NDUFAF6: variants seen among roughly 807,000 people sequenced by gnomAD.
NDUFAF6 encodes the protein NADH:ubiquinone oxidoreductase complex assembly factor 6.
In NDUFAF6, 45 loss-of-function variants were observed where a neutral mutation model predicts 40.8. The observed-to-expected ratio is 1.10, with a 90% CI of 0.87 to 1.42. NDUFAF6 has a LOEUF of 1.42. Ranked by LOEUF, NDUFAF6 falls within the 40% of genes most tolerant of loss-of-function variation. The pLI is 0.00. For missense variants in NDUFAF6, 435 were observed against 418.5 expected, an observed-to-expected ratio of 1.04 and a Z score of -0.34; for synonymous variants, 185 against 155.9, an observed-to-expected ratio of 1.19 and a Z score of -1.39.
chr8:94,897,430 A>C (rs1586573768), intron 1 of NDUFAF6, among the ~76,000 whole-genome samples: 1 of 152,296 alleles, frequency 6.6e-6, no homozygotes, highest in African/African-American at 2.4e-5. Flanking sequence ...AAAAAAAGAG[A>C]AAATAAAGGG....
intron 4 of NDUFAF6, among the ~76,000 whole-genome samples, chr8:95,114,103 G>A (rs917135884): frequency 3.0e-4 from 45 of 151,906 alleles, no homozygotes; most frequent in Middle Eastern, 3.4e-3. Context: ...ACATGTATAC[G>A]TATGTAACTA....
intron 9 of NDUFAF6, among the ~76,000 whole-genome samples, chr8:95,074,927 CA>C (rs1236330746): frequency 1.3e-5 from 2 of 152,202 alleles, no homozygotes; most frequent in Non-Finnish European, 2.9e-5. Flanking sequence ...TTTACAACCT[CA>C]AAAATTTCAT....
At chr8:95,048,175 C>CA (rs1337521727) in intron 6 of NDUFAF6, among the ~76,000 whole-genome samples, 1 of 152,114 alleles carries the variant, frequency 6.6e-6, no homozygotes, top group Non-Finnish European at 1.5e-5. Context: ...GCCTGGGTGA[C>CA]AGAGTAAGAC....
intron 1 of NDUFAF6, among the ~76,000 whole-genome samples, chr8:94,980,434 G>GTTTT (rs1044902981): frequency 1.5e-5 from 2 of 137,350 alleles, no homozygotes; most frequent in African/African-American, 2.8e-5. Flanking sequence ...GTCAACTGTG[G>GTTTT]TTTTTTTGTT....
intron 4 of NDUFAF6, among the ~76,000 whole-genome samples, chr8:95,113,713 TAGAGA>T (rs1459715151): frequency 6.6e-6 from 1 of 152,056 alleles, no homozygotes; most frequent in Admixed American, 6.5e-5. Context: ...ATCCTTGGAC[TAGAGA>T]AGAGAAGTCA....
Position 95,025,039 on chromosome 8 carries a change from G to A in NDUFAF6, c.31G>A (p.Gly11Arg). Residue 11 changes from glycine (G) to arginine (R), a missense_variant, in exon 1 of 9, where the codon GGG becomes AGG. Coordinates refer to ENST00000396124, the MANE Select transcript of NDUFAF6 (RefSeq NM_152416.4). MAASAHGSVW[G>R]PLRLGIPGLC... ...GGCCTCCGCGCACGGCTCTGTCTGG[G>A]GGCCGTTGCGGCTTGGCATCCCCGG... 3.5e-6 allele frequency: 5 copies of A among 1,415,432 alleles called. No homozygotes were observed. The highest frequency in any genetic ancestry group is 1.6e-5 in the South Asian group (1 of 63,340). 87.7% of individuals were successfully genotyped at this position (1,415,432 alleles called of 1,614,324 possible). A position where few individuals can be genotyped will look rare whatever the true frequency, so the allele number is the denominator to read the frequency against.
At chr8:95,002,214 A>G (rs1170153177) in intron 2 of NDUFAF6, among the ~76,000 whole-genome samples, 1 of 152,196 alleles carries the variant, frequency 6.6e-6, no homozygotes, top group Non-Finnish European at 1.5e-5. Context: ...CCTGATAAAA[A>G]TATCTTTTGC....
chr8:95,111,494 A>G (rs1416420262), intron 4 of NDUFAF6, among the ~76,000 whole-genome samples: 2 of 152,178 alleles, frequency 1.3e-5, no homozygotes, highest in Non-Finnish European at 2.9e-5. Context: ...ACATTCCTGG[A>G]TTATAGTTTG....
At chr8:94,928,838 G>A (rs1401386734) in intron 1 of NDUFAF6, 1 of 152,434 alleles carries the variant, frequency 6.6e-6, no homozygotes, top group Admixed American at 6.5e-5. Flanking sequence ...TTCACTTAAG[G>A]ATATGCTGCT....
intron 2 of NDUFAF6, among the ~76,000 whole-genome samples, chr8:95,003,938 C>T (rs1826847868): frequency 6.6e-6 from 1 of 152,170 alleles, no homozygotes; most frequent in Non-Finnish European, 1.5e-5. Flanking sequence ...GCTGTAACCT[C>T]CAGAAAGGAA....
At chr8:95,032,936 C>G (rs1218515711) in intron 2 of NDUFAF6, among the ~76,000 whole-genome samples, 1 of 152,244 alleles carries the variant, frequency 6.6e-6, no homozygotes, top group South Asian at 2.1e-4. Context: ...TGATTTTTCA[C>G]CTCATCCTTT....
At chr8:94,954,967 C>T (rs1272770334), upstream of NDUFAF6, among the ~76,000 whole-genome samples, 3 of 152,118 alleles carry the variant, frequency 2.0e-5, no homozygotes, top group African/African-American at 7.2e-5. Flanking sequence ...CTGTTGCATC[C>T]TGGAGATAAA....
At chr8:95,094,378 CCTTCTTTCTTTTCTTTTCTTTCTTT>C in intron 2 of NDUFAF6, among the ~76,000 whole-genome samples, 1 of 28,520 alleles carries the variant, frequency 3.5e-5, no homozygotes, top group East Asian at 2.4e-3. Context: ...TCTTTTCTTT[CCTTCTTTCTTTTCTTTTCTTTCTTT>C]TTTTTTTTTT....
chr8:95,039,463 A>AGG (rs113537333), intron 3 of NDUFAF6, among the ~76,000 whole-genome samples: 1,866 of 149,144 alleles, frequency 0.013, 36 homozygotes, highest in African/African-American at 0.044. Context: ...AAAAAAAAAA[A>AGG]GGGGGGGTTT....
chr8:95,058,199 A>G lies in NDUFAF6; in HGVS notation c.*262A>G. 1 of 1,420,482 alleles carries G rather than the reference A, an allele frequency of 7.0e-7. No individual in the cohort carries two copies. The highest frequency in any genetic ancestry group is 9.1e-7 in the Non-Finnish European group (1 of 1,096,244). 88.0% of individuals were successfully genotyped at this position (1,420,482 alleles called of 1,614,324 possible). On this transcript the variant is annotated 3_prime_UTR_variant, in exon 9 of 9. Coordinates refer to ENST00000396124, the MANE Select transcript of NDUFAF6 (RefSeq NM_152416.4). ...CTGGAAGCTGGAGCTCCAACAGGGA[A>G]TATTGGTGTAGCTGTGCATAGGCCA...
intron 2 of NDUFAF6, among the ~76,000 whole-genome samples, chr8:95,091,623 A>T (rs1809255317): frequency 6.6e-6 from 1 of 151,606 alleles, no homozygotes; most frequent in Admixed American, 6.6e-5. Flanking sequence ...AGCAGAAGAA[A>T]ATAACTCAAT....
intron 7 of NDUFAF6, among the ~76,000 whole-genome samples, chr8:95,050,854 C>T (rs760183613): frequency 2.0e-4 from 31 of 152,088 alleles, no homozygotes; most frequent in Non-Finnish European, 4.3e-4. Flanking sequence ...CCACACGTAA[C>T]AAGGCTTGAT....
chr8:95,041,408 T>C (rs538094164), intron 3 of NDUFAF6, among the ~76,000 whole-genome samples, 162 bp from the exon 4 acceptor site: 2 of 152,314 alleles, frequency 1.3e-5, no homozygotes, highest in East Asian at 3.9e-4. Context: ...TCTAGGGACA[T>C]TTTCTTTTTC....
intron 9 of NDUFAF6, among the ~76,000 whole-genome samples, chr8:95,074,337 C>T (rs1277056802): frequency 6.6e-6 from 1 of 152,070 alleles, no homozygotes; most frequent in Admixed American, 6.5e-5. Flanking sequence ...GAGTCCTTTT[C>T]GTTACTGACT....
Sources: gnomAD v4.1 joint callset for allele counts (sites outside exome capture counted in the v4.1 genomes callset) on GRCh38, gnomAD v4.1.1 for gene constraint, MANE v1.5 for transcripts, NCBI Gene and HGNC (gene_info 2026-07-23, HGNC 2026-07-21) for gene names.